Variants in JDP2 observed in about 807,000 individuals in gnomAD.
The protein encoded by JDP2 is Jun dimerization protein 2, also known as progesterone receptor co-activator.
A neutral mutation model predicts 17.1 loss-of-function variants in JDP2; 9 were observed. The ratio of observed to expected loss-of-function variants is 0.53; its 90% CI spans 0.32 to 0.92. The LOEUF (loss-of-function observed/expected upper bound fraction) is 0.92. JDP2 is among the 40% of genes least tolerant of loss of function. The probability of loss-of-function intolerance (pLI) is 0.04; values close to 1 mark genes in which losing one functional copy is unlikely to be tolerated. For synonymous variants in JDP2, 107 were observed against 95.6 expected (o/e 1.12, Z -0.69); for missense variants, 179 against 220.0 (o/e 0.81, Z 1.18).
chr14:75,466,914 T>G (rs1886591224), intron 3 of JDP2, among the ~76,000 whole-genome samples: 1 of 152,190 alleles, frequency 6.6e-6, no homozygotes, highest in Non-Finnish European at 1.5e-5. Context: ...GACGTCTTCC[T>G]TCTCTTCCTC....
intron 1 of JDP2, among the ~76,000 whole-genome samples, chr14:75,435,640 T>C (rs2140040845): frequency 6.6e-6 from 1 of 152,348 alleles, no homozygotes; most frequent in South Asian, 2.1e-4. Context: ...GGAGGCCATT[T>C]AGCCTCTCTG....
At chr14:75,439,304 G>A (rs1449136457) in intron 2 of JDP2, among the ~76,000 whole-genome samples, 1 of 152,238 alleles carries the variant, frequency 6.6e-6, no homozygotes, top group Non-Finnish European at 1.5e-5. Context: ...CCATTTGCAG[G>A]CTGGACCTGG....
chr14:75,466,114 T>C (rs1886559743), intron 3 of JDP2, among the ~76,000 whole-genome samples: 1 of 152,184 alleles, frequency 6.6e-6, no homozygotes, highest in Non-Finnish European at 1.5e-5. Flanking sequence ...AATAACTCTT[T>C]GAGTGTGGAA....
intron 1 of JDP2, among the ~76,000 whole-genome samples, chr14:75,434,681 G>A (rs1409085644): frequency 6.6e-6 from 1 of 152,092 alleles, no homozygotes; most frequent in Non-Finnish European, 1.5e-5. Flanking sequence ...TGCAAACAGA[G>A]CCTATCATTC....
chr14:75,445,972 C>T (rs1317073535), intron 2 of JDP2, among the ~76,000 whole-genome samples: 1 of 151,896 alleles, frequency 6.6e-6, no homozygotes, highest in Non-Finnish European at 1.5e-5. Context: ...AGACAAATAA[C>T]CCAGTAGAAA....
Position 75,471,600 on chromosome 14 carries a change from T to G in JDP2, c.*2125T>G, listed in dbSNP as rs901404671. The G allele has an allele frequency of 2.0e-5, 3 of 152,140 alleles. No individual in the cohort carries two copies. The highest frequency in any genetic ancestry group is 1.5e-5 in the Non-Finnish European group (1 of 68,028). The allele number at this position is 152,140 out of a possible 1,614,324, so 9.4% of individuals were successfully genotyped here. A position where few individuals can be genotyped will look rare whatever the true frequency, so the allele number is the denominator to read the frequency against. The stretch of plus-strand genomic sequence containing the variant: ...CGAGGCCTTCTGGGATGGGCAGAAG[T>G]GGAGAATGGTGATTAACACACCTGT... On this transcript the variant is annotated 3_prime_UTR_variant, in exon 4 of 4. Coordinates refer to ENST00000651602, the MANE Select transcript of JDP2 (RefSeq NM_001135048.2).
intron 3 of JDP2, among the ~76,000 whole-genome samples, chr14:75,465,807 G>A (rs1886548845): frequency 6.6e-6 from 1 of 152,202 alleles, no homozygotes; most frequent in Admixed American, 6.5e-5. Context: ...CCACAGTGTA[G>A]GAGGCAGAAC....
intron 2 of JDP2, among the ~76,000 whole-genome samples, chr14:75,452,173 C>G (rs1056400976): frequency 2.0e-5 from 3 of 152,194 alleles, no homozygotes; most frequent in African/African-American, 7.2e-5. Context: ...GAATGAAAAC[C>G]CAGAGAAGTC....
chr14:75,447,401 A>G (rs924803530), intron 2 of JDP2, among the ~76,000 whole-genome samples: 1 of 152,196 alleles, frequency 6.6e-6, no homozygotes, highest in African/African-American at 2.4e-5. Flanking sequence ...CGCTCAGAAG[A>G]TTAAGTCACT....
At position 75,471,625 on chromosome 14, in the gene JDP2, TG is replaced by T. The variant is rs1290659284; in HGVS notation, c.*2151del. 6.6e-6 allele frequency: 1 copy of T among 152,262 alleles called. No homozygotes were observed. Among genetic ancestry groups the T allele is most frequent in the Non-Finnish European group, 1.5e-5 (1 of 68,068 alleles). The allele number at this position is 152,262 out of a possible 1,614,324, so 9.4% of individuals were successfully genotyped here. On this transcript the variant is annotated 3_prime_UTR_variant, in exon 4 of 4. Coordinates refer to ENST00000651602, the MANE Select transcript of JDP2 (RefSeq NM_001135048.2). ...TGGAGAATGGTGATTAACACACCTG[TG>T]ATCCCTCCCTCGCTCACTCCTCTCA...
At chr14:75,435,969 A>G (rs914866374) in intron 1 of JDP2, among the ~76,000 whole-genome samples, 4 of 152,154 alleles carry the variant, frequency 2.6e-5, no homozygotes, top group Admixed American at 1.3e-4. Flanking sequence ...TGGCGGGTCC[A>G]CTTCCCATTC....
At position 75,446,400 on chromosome 14, in the gene JDP2, C is replaced by G. The variant is rs140130978; in HGVS notation, c.201+8279C>G. Among the ~76,000 whole-genome samples, 333 of 152,308 alleles carry G rather than the reference C, an allele frequency of 2.2e-3. 2 individuals are homozygous for G. The highest frequency in any genetic ancestry group is 7.7e-3 in the African/African-American group (319 of 41,560). On this transcript the variant is annotated intron_variant, in intron 2 of 3. Coordinates refer to ENST00000651602, the MANE Select transcript of JDP2 (RefSeq NM_001135048.2). ...CATAATAGCTCCAAAGTGGAAGCAG[C>G]TCAAATGTCCATGAATTGGTGCATG...
chr14:75,462,607 C>G (rs139005608), intron 3 of JDP2, among the ~76,000 whole-genome samples: 1 of 152,254 alleles, frequency 6.6e-6, no homozygotes, highest in East Asian at 1.9e-4. Context: ...TTAATTGATT[C>G]AACGGGTATT....
chr14:75,466,447 A>T (rs1395121239), intron 3 of JDP2, among the ~76,000 whole-genome samples: 8 of 152,216 alleles, frequency 5.3e-5, no homozygotes, highest in Admixed American at 2.0e-4. Flanking sequence ...TTTCAAAAGA[A>T]AAAAAGCAGT....
In JDP2 at chr14:75,437,945, C is replaced by T. The variant is rs1885148165; in HGVS notation, c.25C>T (p.Pro9Ser). The change falls in exon 2 of 4, where the codon CCT (proline) becomes TCT (serine). Residue 9 changes from proline (P) to serine (S), a missense_variant. Physicochemically the swap from Pro to Ser is moderately conservative, Grantham distance 74. Coordinates refer to ENST00000651602, the MANE Select transcript of JDP2 (RefSeq NM_001135048.2). Reference sequence around the variant, plus strand: ...TATGATGCCTGGGCAGATCCCGGACCCTTCGGTGACCACAGGCTCCCTGCC... The same window carrying T: ...TATGATGCCTGGGCAGATCCCGGACTCTTCGGTGACCACAGGCTCCCTGCC... Reference protein sequence around the residue: MMPGQIPDPSVTTGSLPGL... With the variant: MMPGQIPDSSVTTGSLPGL... 2 of 1,612,572 alleles carry T rather than the reference C, an allele frequency of 1.2e-6. No homozygotes were observed. The highest frequency in any genetic ancestry group is 1.7e-6 in the Non-Finnish European group (2 of 1,179,478).
chr14:75,459,625 G>C (rs566132540), intron 2 of JDP2, among the ~76,000 whole-genome samples: 7 of 152,340 alleles, frequency 4.6e-5, no homozygotes, highest in Admixed American at 3.9e-4. Context: ...ATAGCCCTTT[G>C]GGCTGAGACC....
At position 75,473,634 on chromosome 14, in the gene JDP2, C is replaced by T. The variant is rs765634540; in HGVS notation, c.*4159C>T. On this transcript the variant is annotated 3_prime_UTR_variant, in exon 4 of 4. Coordinates refer to ENST00000651602, the MANE Select transcript of JDP2 (RefSeq NM_001135048.2). The stretch of plus-strand genomic sequence containing the variant: ...TTTCCTAAAATTGAATATTACTCAA[C>T]AGGTAAAAAAGAATGAACCAGAGCT... 6.6e-6 allele frequency: 1 copy of T among 152,156 alleles called. No individual in the cohort carries two copies. The highest frequency in any genetic ancestry group is 2.4e-5 in the African/African-American group (1 of 41,426). The allele number at this position is 152,156 out of a possible 1,614,324, so 9.4% of individuals were successfully genotyped here.
intron 2 of JDP2, chr14:75,445,731 T>G: frequency 3.0e-6 from 1 of 332,490 alleles, no homozygotes; most frequent in Non-Finnish European, 4.3e-6. Flanking sequence ...AAAACAGCTG[T>G]AAATCTTTGT....
chr14:75,450,634 T>TGCTGTTGGGGGCAGG (rs1885807885), intron 2 of JDP2, among the ~76,000 whole-genome samples: 1 of 152,206 alleles, frequency 6.6e-6, no homozygotes. Context: ...GTGAATGTGC[T>TGCTGTTGGGGGCAGG]TGATTACATC....
Sources: gnomAD v4.1 joint callset for allele counts (sites outside exome capture counted in the v4.1 genomes callset) on GRCh38, gnomAD v4.1.1 for gene constraint, MANE v1.5 for transcripts, NCBI Gene and HGNC (gene_info 2026-07-23, HGNC 2026-07-21) for gene names.